Variants in DGLUCY observed in about 807,000 individuals in gnomAD.
DGLUCY encodes D-glutamate cyclase, also known as D-glutamate cyclase, mitochondrial.
DGLUCY carries 58 observed loss-of-function variants against 58.5 expected under a neutral mutation model. The ratio of observed to expected loss-of-function variants is 0.99; its 90% CI spans 0.80 to 1.23. The LOEUF (loss-of-function observed/expected upper bound fraction) is 1.23, where lower values mean the gene tolerates loss of function less well. Among genes scored for constraint, DGLUCY ranks in the 50% most tolerant of loss-of-function variants. The pLI is 0.00. For missense variants in DGLUCY, 779 were observed against 784.7 expected (o/e 0.99, Z 0.09); for synonymous variants, 325 against 314.1 (o/e 1.03, Z -0.37).
intron 1 of DGLUCY, among the ~76,000 whole-genome samples, chr14:91,123,770 G>C (rs1329828944): frequency 6.6e-6 from 1 of 151,982 alleles, no homozygotes; most frequent in African/African-American, 2.4e-5. Flanking sequence ...GTAGAGACAG[G>C]GTTTCGCCAT....
At chr14:91,143,317 C>A (rs1207924970) in intron 1 of DGLUCY, among the ~76,000 whole-genome samples, 2 of 152,008 alleles carry the variant, frequency 1.3e-5, no homozygotes, top group Non-Finnish European at 2.9e-5. Context: ...GGATGGTCTT[C>A]ATCTCCTGAC....
rs2049708915 is a variant in DGLUCY, at chr14:91,189,150, T to C, written c.1175T>C (p.Val392Ala). The change falls in exon 9 of 14, where the codon GTT (valine) becomes GCT (alanine). Residue 392 changes from valine to alanine, a missense_variant. Transcript: ENST00000256324. ...GCCTGGAACTTGCACCAGAAGATTG[T>C]TGAAGATGCTGTTGAGCAAGGTAAG... ...QRAWNLHQKI[V>A]EDAVEQGVLK... 9 of 1,614,188 alleles carry C rather than the reference T, an allele frequency of 5.6e-6. No individual in the cohort carries two copies. Among genetic ancestry groups the C allele is most frequent in the South Asian group, 1.1e-5 (1 of 91,086 alleles).
At chr14:91,176,301 C>T (rs1385406196) in intron 7 of DGLUCY, among the ~76,000 whole-genome samples, 2 of 152,176 alleles carry the variant, frequency 1.3e-5, no homozygotes, top group African/African-American at 2.4e-5. Context: ...TCTCGGTTCA[C>T]TGCAACCTCC....
At chr14:91,197,457 A>T (rs1318287469) in intron 10 of DGLUCY, among the ~76,000 whole-genome samples, 5 of 152,172 alleles carry the variant, frequency 3.3e-5, no homozygotes, top group Admixed American at 2.6e-4. Flanking sequence ...CTACACTCAC[A>T]TTGCTGTACA....
chr14:91,129,089 C>T lies in DGLUCY; in HGVS notation c.-82+14806C>T, dbSNP rs146795030. Among the ~76,000 whole-genome samples, 38 of 152,296 alleles carry T rather than the reference C, an allele frequency of 2.5e-4. 1 individual carries two copies. The East Asian group carries it at 7.1e-3, about 29-fold the overall frequency. Reference sequence around the variant, plus strand: ...TCCGCCTAGCCTCTGCTTTGAGCGTCAGGGGACCCAGTTCTATTCCTGCAT... The same window carrying T: ...TCCGCCTAGCCTCTGCTTTGAGCGTTAGGGGACCCAGTTCTATTCCTGCAT... On this transcript the variant is annotated intron_variant, in intron 1 of 13. Transcript: ENST00000256324.
upstream of DGLUCY, among the ~76,000 whole-genome samples, chr14:91,113,517 T>C (rs1406077596): frequency 6.6e-6 from 1 of 152,168 alleles, no homozygotes; most frequent in Non-Finnish European, 1.5e-5. Context: ...CAGTCAATCG[T>C]CAGAGCAGCC....
At chr14:91,202,551 G>A (rs1271262028) in intron 11 of DGLUCY, among the ~76,000 whole-genome samples, 3 of 151,532 alleles carry the variant, frequency 2.0e-5, no homozygotes, top group Admixed American at 2.0e-4. Context: ...AGTGCGGTTG[G>A]CTTCCAGCTT....
At chr14:91,222,757 C>T (rs1194407448) in intron 13 of DGLUCY, among the ~76,000 whole-genome samples, 1 of 152,180 alleles carries the variant, frequency 6.6e-6, no homozygotes, top group Non-Finnish European at 1.5e-5. Flanking sequence ...CTAGTTGCCC[C>T]TTGTCGTAGC....
chr14:91,062,146 A>G (rs955693880), intron 1 of DGLUCY, among the ~76,000 whole-genome samples: 2 of 152,236 alleles, frequency 1.3e-5, no homozygotes, highest in Non-Finnish European at 2.9e-5. Flanking sequence ...TAAAAGAAGT[A>G]GCTGTGTTCC....
intron 13 of DGLUCY, chr14:91,220,413 A>T (rs1354668007): frequency 4.5e-6 from 2 of 444,988 alleles, no homozygotes; most frequent in Admixed American, 4.8e-5. Flanking sequence ...CATCCTTCTT[A>T]TCATGACAAG....
At chr14:91,153,708 C>T (rs1455436132) in intron 1 of DGLUCY, among the ~76,000 whole-genome samples, 11 of 152,278 alleles carry the variant, frequency 7.2e-5, no homozygotes, top group Admixed American at 6.5e-4. Flanking sequence ...CAGGCCTTGC[C>T]GGGCCCATGA....
At chr14:91,207,745 T>TTCTTTC (rs1884991804) in intron 12 of DGLUCY, among the ~76,000 whole-genome samples, 1 of 151,774 alleles carries the variant, frequency 6.6e-6, no homozygotes, top group South Asian at 2.1e-4. Flanking sequence ...TTTTATTTTT[T>TTCTTTC]TCTTTTTTCT....
chr14:91,150,964 C>T (rs1361873350), intron 1 of DGLUCY, among the ~76,000 whole-genome samples: 1 of 152,274 alleles, frequency 6.6e-6, no homozygotes, highest in East Asian at 1.9e-4. Flanking sequence ...CTCCCCATTC[C>T]CCACCCCATC....
chr14:91,077,415 A>AG (rs1163546005), intron 1 of DGLUCY, among the ~76,000 whole-genome samples: 1 of 135,788 alleles, frequency 7.4e-6, no homozygotes. Context: ...AAAGAAAGAA[A>AG]GAAGGAGGGA....
At chr14:91,086,370 T>C (rs1441736008) in intron 1 of DGLUCY, among the ~76,000 whole-genome samples, 1 of 152,170 alleles carries the variant, frequency 6.6e-6, no homozygotes, top group Non-Finnish European at 1.5e-5. Flanking sequence ...AACTTGTCCC[T>C]GGTGCCAAAA....
chr14:91,105,473 T>C (rs1265528868), upstream of DGLUCY, among the ~76,000 whole-genome samples: 1 of 152,140 alleles, frequency 6.6e-6, no homozygotes, highest in Non-Finnish European at 1.5e-5. Flanking sequence ...ATGAGCCCTG[T>C]GCCAGGCCTG....
intron 5 of DGLUCY, among the ~76,000 whole-genome samples, chr14:91,172,384 T>C (rs1408121284): frequency 6.6e-6 from 1 of 152,136 alleles, no homozygotes; most frequent in African/African-American, 2.4e-5. Context: ...CAGCCTCAAT[T>C]TTATTTTCAT....
intron 1 of DGLUCY, among the ~76,000 whole-genome samples, chr14:91,085,235 A>AC (rs2044193307): frequency 6.6e-6 from 1 of 151,654 alleles, no homozygotes; most frequent in African/African-American, 2.4e-5. Flanking sequence ...AAAAAAAAAA[A>AC]AAAAAAGTTA....
At chr14:91,172,716 G>A (rs2048636033) in intron 5 of DGLUCY, among the ~76,000 whole-genome samples, 3 of 150,892 alleles carry the variant, frequency 2.0e-5, no homozygotes, top group East Asian at 2.0e-4. Flanking sequence ...GTGTGATTTC[G>A]GCTCACTGCA....
Sources: allele counts gnomAD v4.1 joint callset (sites outside exome capture counted in the v4.1 genomes callset), GRCh38; gene constraint gnomAD v4.1.1; transcripts MANE v1.5; gene names NCBI Gene and HGNC (gene_info 2026-07-23, HGNC 2026-07-21).